The following CHD6 variants were observed in gnomAD, a reference collection of about 807,000 sequenced individuals.
CHD6 encodes the protein ATP-dependent chromatin remodeler CHD6.
In CHD6, 50 loss-of-function variants were observed where a neutral mutation model predicts 276.9. That is an observed-to-expected ratio of 0.18 (90% confidence interval 0.14 to 0.23). CHD6 has a LOEUF of 0.23. CHD6 is among the 10% of genes least tolerant of loss of function. The pLI is 1.00. For synonymous variants in CHD6, 1,173 were observed against 1,229.3 expected, an observed-to-expected ratio of 0.95 and a Z score of 0.96; for missense variants, 2,564 against 3,365.8, an observed-to-expected ratio of 0.76 and a Z score of 5.89.
At chr20:41,457,219 C>A (rs370619463) in intron 18 of CHD6, 45 bp downstream of exon 18, 1 of 1,585,764 alleles carries the variant, frequency 6.3e-7, no homozygotes, top group East Asian at 2.3e-5. Flanking sequence ...CTGGGCTGTG[C>A]GACCAATGTT....
intron 1 of CHD6, among the ~76,000 whole-genome samples, chr20:41,591,341 C>T (rs1391236857): frequency 6.7e-6 from 1 of 149,878 alleles, no homozygotes; most frequent in Non-Finnish European, 1.5e-5. Flanking sequence ...GCACATGTAC[C>T]CTAGAACTTA....
chr20:41,430,849 C>T (rs946222192), intron 27 of CHD6, among the ~76,000 whole-genome samples: 10 of 147,926 alleles, frequency 6.8e-5, no homozygotes, highest in African/African-American at 2.5e-4. Flanking sequence ...AACAGCAGAA[C>T]ATGAATTTTT....
chr20:41,502,625 G>C (rs934035634), intron 5 of CHD6, among the ~76,000 whole-genome samples: 6 of 152,132 alleles, frequency 3.9e-5, no homozygotes, highest in Non-Finnish European at 8.8e-5. Flanking sequence ...TAGGTCTTTA[G>C]CATTTTCATA....
intron 16 of CHD6, among the ~76,000 whole-genome samples, chr20:41,481,118 A>T (rs6029703): frequency 7.2e-4 from 108 of 149,546 alleles, no homozygotes; most frequent in Middle Eastern, 3.5e-3. Flanking sequence ...AAAAGAAAAA[A>T]AAATATATAT....
In CHD6 at chr20:41,483,454, G is replaced by T; in HGVS notation, c.2323C>A (p.Leu775Met). ...CCTGCTGCCTGAATCATGGCCTGCA[G>T]CTGAAAGTCAGGGGCATCAGGGCTG... is the stretch of plus-strand genomic sequence containing the variant. ...THSPDAPDFQ[L>M]QAMIQAAGKL... Residue 775 changes from leucine (L) to methionine (M), a missense_variant, in exon 16 of 37, where the codon CTG (leucine) becomes ATG (methionine). By Grantham distance (15) the Leu-to-Met change is conservative (BLOSUM62 2). This residue lies in a region of CHD6 where 457 missense variants were observed against 889.0 expected (regional missense o/e 0.51). Transcript: ENST00000373233. 1.9e-6 allele frequency: 3 copies of T among 1,613,742 alleles called. No individual in the cohort carries two copies. Among genetic ancestry groups the T allele is most frequent in the Non-Finnish European group, 2.5e-6 (3 of 1,179,830 alleles).
chr20:41,618,130 A>AGGCCGCC (rs1489579693), intron 1 of CHD6, among the ~76,000 whole-genome samples: 2 of 149,512 alleles, frequency 1.3e-5, no homozygotes, highest in Non-Finnish European at 1.5e-5. Flanking sequence ...CCCAGGCCGC[A>AGGCCGCC]GGCCGCCGCC....
intron 34 of CHD6, 146 bp from the exon 35 acceptor site, chr20:41,413,661 A>G (rs1479217159): frequency 4.7e-6 from 3 of 639,728 alleles, no homozygotes; most frequent in Admixed American, 6.7e-5. Flanking sequence ...TTAGAACCCT[A>G]CACACACCAC....
intron 1 of CHD6, among the ~76,000 whole-genome samples, chr20:41,617,466 C>G (rs902041331): frequency 8.5e-5 from 13 of 152,172 alleles, no homozygotes; most frequent in African/African-American, 3.1e-4. Flanking sequence ...AATTATCTCA[C>G]TAGTGAGGGG....
intron 26 of CHD6, among the ~76,000 whole-genome samples, chr20:41,439,358 G>GA (rs370407287): frequency 1.3e-3 from 185 of 139,312 alleles, no homozygotes; most frequent in African/African-American, 3.7e-3. Flanking sequence ...TCTATCTCGG[G>GA]AAAAAAAAAA....
intron 1 of CHD6, among the ~76,000 whole-genome samples, chr20:41,584,862 C>T (rs762750299): frequency 3.3e-5 from 5 of 152,132 alleles, no homozygotes; most frequent in Non-Finnish European, 5.9e-5. Context: ...AGAAAGACCT[C>T]AAATCAATTA....
Position 41,455,908 on chromosome 20 carries a change from T to C in CHD6, c.2901A>G (p.Glu967=). ...RKGAYGALMD[E]EDEGSKFCEE... ...CACAGAACTTGGAGCCTTCATCTTC[T>C]TCATCCATTAAGGCTCCATAAGCAC... The change falls in exon 19 of 37, where the codon GAA becomes GAG. Residue 967 remains glutamate, a synonymous_variant. Coordinates refer to ENST00000373233, the MANE Select transcript of CHD6 (RefSeq NM_032221.5). 1 of 1,612,648 alleles carries C rather than the reference T, an allele frequency of 6.2e-7. No homozygotes were observed. The highest frequency in any genetic ancestry group is 8.5e-7 in the Non-Finnish European group (1 of 1,179,458).
At chr20:41,585,911 A>G (rs1310168563) in intron 1 of CHD6, among the ~76,000 whole-genome samples, 3 of 152,208 alleles carry the variant, frequency 2.0e-5, no homozygotes, top group Non-Finnish European at 4.4e-5. Flanking sequence ...AGAATTCCTA[A>G]GCCTAGCTGG....
chr20:41,419,762 T>C (rs2047126174), intron 31 of CHD6, among the ~76,000 whole-genome samples: 1 of 151,926 alleles, frequency 6.6e-6, no homozygotes, highest in Non-Finnish European at 1.5e-5. Context: ...CCTTCTTGGA[T>C]CTGAAAAAAA....
chr20:41,498,314 G>A, intron 6 of CHD6, 88 bp from the exon 7 acceptor site: 1 of 880,214 alleles, frequency 1.1e-6, no homozygotes. Context: ...CAATATCTCT[G>A]CCTGATTTCC....
intron 17 of CHD6, among the ~76,000 whole-genome samples, chr20:41,468,737 G>A (rs952422465): frequency 1.3e-5 from 2 of 152,236 alleles, no homozygotes; most frequent in Middle Eastern, 3.4e-3. Flanking sequence ...GATGTAGGTG[G>A]GGCGTGGTGG....
chr20:41,590,143 G>A (rs1601173287), intron 1 of CHD6, among the ~76,000 whole-genome samples: 1 of 152,256 alleles, frequency 6.6e-6, no homozygotes, highest in East Asian at 1.9e-4. Flanking sequence ...AATGGTGCTG[G>A]GAAAACTGGC....
intron 1 of CHD6, among the ~76,000 whole-genome samples, chr20:41,609,655 C>T (rs1333344152): frequency 1.3e-5 from 2 of 152,146 alleles, no homozygotes; most frequent in Non-Finnish European, 2.9e-5. Context: ...CTATAAACCA[C>T]ATAGGACACC....
In CHD6 at chr20:41,488,447, C is replaced by A. The variant is rs1260965926; in HGVS notation, c.1838G>T (p.Gly613Val). ...LKNRNCKLLE[G>V]LKLMALEHKV... ...TCTCACCAGGGCCATAAGCTTTAGA[C>A]CCTCCAGAAGTTTGCAGTTCCTATT... Residue 613 changes from glycine (G) to valine (V), a missense_variant, in exon 13 of 37, where the codon GGT becomes GTT. Transcript: ENST00000373233. The A allele has an allele frequency of 1.2e-6, 2 of 1,613,444 alleles. No homozygotes were observed. Among genetic ancestry groups the A allele is most frequent in the Admixed American group, 1.7e-5 (1 of 59,942 alleles).
rs1199637551 is a variant in CHD6, at chr20:41,611,446, G to A, written c.-24+6894C>T. On this transcript the variant is annotated intron_variant, in intron 1 of 36. Transcript: ENST00000373233. ...AAACCATCAGTGGCTAGTAGTTCCC[G>A]TGCAGATATTGGACACCTCCATCAT... Among the ~76,000 whole-genome samples the A allele has an allele frequency of 2.6e-5, 4 of 152,122 alleles. No homozygotes were observed. In the East Asian group the frequency reaches 5.8e-4, roughly 22 times the overall value.
Sources: gnomAD v4.1 joint callset for allele counts (sites outside exome capture counted in the v4.1 genomes callset) on GRCh38, gnomAD v4.1.1 for gene constraint, gnomAD v4.1.1 regional missense constraint, MANE v1.5 for transcripts, NCBI Gene and HGNC (gene_info 2026-07-23, HGNC 2026-07-21) for gene names.